EPB41L3: variants seen among roughly 807,000 people sequenced by gnomAD.
The protein encoded by EPB41L3 is erythrocyte membrane protein band 4.1 like 3.
Under a neutral mutation model 127.1 loss-of-function variants are expected in EPB41L3, and 57 were observed. The ratio of observed to expected loss-of-function variants is 0.45; its 90% confidence interval spans 0.36 to 0.56. The LOEUF (loss-of-function observed/expected upper bound fraction) is 0.56, where lower values mean the gene tolerates loss of function less well. Among genes scored for constraint, EPB41L3 ranks in the 20% least tolerant of loss-of-function variants. The pLI is 0.00. For synonymous variants in EPB41L3, 572 were observed against 549.5 expected (o/e 1.04, Z -0.57); for missense variants, 1,273 against 1,372.2 (o/e 0.93, Z 1.14).
chr18:5,409,103 G>C (rs1456125622), intron 14 of EPB41L3, among the ~76,000 whole-genome samples: 1 of 152,168 alleles, frequency 6.6e-6, no homozygotes, highest in Non-Finnish European at 1.5e-5. Context: ...CTATAGATGG[G>C]ACAGAGTTTC....
chr18:5,403,357 A>G (rs548817852), intron 16 of EPB41L3, among the ~76,000 whole-genome samples: 1 of 152,198 alleles, frequency 6.6e-6, no homozygotes, highest in Non-Finnish European at 1.5e-5. Flanking sequence ...TTTCCATTTT[A>G]TATAGGAAAC....
intron 11 of EPB41L3, 165 bp from the exon 12 acceptor site, chr18:5,420,042 C>T: frequency 1.4e-6 from 2 of 1,434,520 alleles, no homozygotes; most frequent in Middle Eastern, 2.2e-4. Context: ...CACAAAATAC[C>T]AGGTTTGCCT....
intron 2 of EPB41L3, among the ~76,000 whole-genome samples, chr18:5,613,459 GCCCTATTTCCCGTTATC>G (rs1214064328): frequency 1.3e-5 from 2 of 152,080 alleles, no homozygotes; most frequent in East Asian, 3.9e-4. Flanking sequence ...TAAATTCCTA[GCCCTATTTCCCGTTATC>G]CCCATCAGTC....
intron 2 of EPB41L3, among the ~76,000 whole-genome samples, chr18:5,482,459 G>A (rs1214674745): frequency 1.3e-5 from 2 of 152,144 alleles, no homozygotes; most frequent in Non-Finnish European, 2.9e-5. Context: ...AATAATCACA[G>A]GAAACTTTCC....
rs1338064574 is a variant in EPB41L3 at position 5,410,586 on chromosome 18, C to T, written c.2101G>A (p.Gly701Arg). ...DSERTDTAAD[G>R]ETTATESDQE... ...CCAACCTCAGTGGCAGTGGTCTCCCCGTCGGCTGCGGTGTCCGTGCGCTCA... is the reference window on the plus strand; with the variant it reads ...CCAACCTCAGTGGCAGTGGTCTCCCTGTCGGCTGCGGTGTCCGTGCGCTCA... Residue 701 changes from glycine (G) to arginine (R), a missense_variant, in exon 14 of 23, where the codon GGG (glycine) becomes AGG (arginine). Gly to Arg is a moderately radical substitution (Grantham distance 125, BLOSUM62 -2). Transcript: ENST00000341928. 5.0e-6 allele frequency: 8 copies of T among 1,613,552 alleles called. No homozygotes were observed. The highest frequency in any genetic ancestry group is 1.3e-5 in the African/African-American group (1 of 74,914).
intron 5 of EPB41L3, among the ~76,000 whole-genome samples, chr18:5,438,334 T>C (rs560898058): frequency 6.6e-5 from 10 of 152,146 alleles, no homozygotes; most frequent in African/African-American, 1.4e-4. Context: ...TTTTAACTAG[T>C]ATGGAAACTG....
chr18:5,514,827 G>A (rs551914091), intron 1 of EPB41L3, among the ~76,000 whole-genome samples: 2 of 152,290 alleles, frequency 1.3e-5, no homozygotes, highest in East Asian at 3.9e-4. Context: ...CATTAGTGCT[G>A]ACAGGGTACA....
At chr18:5,503,385 A>G (rs1457034276) in intron 1 of EPB41L3, among the ~76,000 whole-genome samples, 1 of 152,206 alleles carries the variant, frequency 6.6e-6, no homozygotes, top group Non-Finnish European at 1.5e-5. Flanking sequence ...GAGTGCCCGA[A>G]AAAAACATGT....
At position 5,489,236 on chromosome 18, in the gene EPB41L3, C is replaced by CT. The variant is rs753484772; in HGVS notation, c.-11-43dup. 2.6e-6 allele frequency: 4 copies of CT among 1,554,150 alleles called. No individual in the cohort carries two copies. The Admixed American group carries it at 9.0e-5, about 35-fold the overall frequency. The stretch of plus-strand genomic sequence containing the variant: ...GGGAAGAGCAGGTCACTCCGTGCCA[C>CT]TACCTTCCCTCTGCAAGAAAACTAG... On this transcript the variant is annotated intron_variant, in intron 1 of 22. Transcript: ENST00000341928.
At position 5,445,556 on chromosome 18, in the gene EPB41L3, A is replaced by G. The variant is rs2081353516; in HGVS notation, c.382-312T>C. ...GGAAGCAACTGGGGAAAATAATGTG[A>G]TGCTTGGAAGCCTAAATATGTGAAA... is the stretch of plus-strand genomic sequence containing the variant. On this transcript the variant is annotated intron_variant, in intron 3 of 22. Coordinates refer to ENST00000341928, the MANE Select transcript of EPB41L3 (RefSeq NM_012307.5). Among the ~76,000 whole-genome samples the G allele has an allele frequency of 1.3e-5, 2 of 152,240 alleles. 1 individual carries two copies. Among genetic ancestry groups the G allele is most frequent in the South Asian group, 4.1e-4 (2 of 4,826 alleles).
intron 16 of EPB41L3, 176 bp from the exon 17 acceptor site, chr18:5,398,319 G>T: frequency 1.4e-6 from 1 of 726,768 alleles, no homozygotes; most frequent in Non-Finnish European, 2.3e-6. Flanking sequence ...AAAACCAGGT[G>T]CTCTTGTTTG....
chr18:5,602,876 A>G (rs1477312743), intron 3 of EPB41L3, among the ~76,000 whole-genome samples: 2 of 152,192 alleles, frequency 1.3e-5, no homozygotes, highest in African/African-American at 4.8e-5. Flanking sequence ...TACAGACTAA[A>G]ATAGATTTTA....
rs73937119 is a variant in EPB41L3, at chr18:5,392,450, C to G, written c.*1035G>C. ...CATACATTCACCATGGGCTGTGATG[C>G]AGGTGATCGTGTAATGGAGAATCTC... On this transcript the variant is annotated 3_prime_UTR_variant, in exon 23 of 23. Coordinates refer to ENST00000341928, the MANE Select transcript of EPB41L3 (RefSeq NM_012307.5). 6.6e-6 allele frequency: 1 copy of G among 152,548 alleles called. No homozygotes were observed. Among genetic ancestry groups the G allele is most frequent in the African/African-American group, 2.4e-5 (1 of 41,414 alleles). The allele number at this position is 152,548 out of a possible 1,614,324, so 9.4% of individuals were successfully genotyped here.
At chr18:5,440,883 T>G (rs952899574) in intron 5 of EPB41L3, among the ~76,000 whole-genome samples, 1 of 152,128 alleles carries the variant, frequency 6.6e-6, no homozygotes, top group Non-Finnish European at 1.5e-5. Context: ...AGTTTCAAAA[T>G]TTTGTTTTTT....
At chr18:5,431,093 T>C (rs2078949359) in intron 8 of EPB41L3, 1 of 152,156 alleles carries the variant, frequency 6.6e-6, no homozygotes, top group Admixed American at 6.5e-5. Flanking sequence ...CATTTCAGAA[T>C]CTTACATAAA....
intron 3 of EPB41L3, among the ~76,000 whole-genome samples, chr18:5,461,649 T>C (rs1486399684): frequency 6.6e-6 from 1 of 152,190 alleles, no homozygotes; most frequent in Non-Finnish European, 1.5e-5. Context: ...AAACAGTCAC[T>C]AGGCAATGCT....
chr18:5,496,874 G>C (rs953677953), intron 1 of EPB41L3, among the ~76,000 whole-genome samples: 1 of 152,186 alleles, frequency 6.6e-6, no homozygotes, highest in Non-Finnish European at 1.5e-5. Context: ...AGATGAACAA[G>C]GTCTCTGCTG....
At chr18:5,579,337 G>A (rs934465889) in intron 3 of EPB41L3, among the ~76,000 whole-genome samples, 8 of 152,200 alleles carry the variant, frequency 5.3e-5, no homozygotes, top group African/African-American at 1.2e-4. Flanking sequence ...GAAGGTTATC[G>A]TCGAAATCCT....
intron 3 of EPB41L3, among the ~76,000 whole-genome samples, chr18:5,605,841 G>T (rs1360285330): frequency 6.6e-6 from 1 of 152,176 alleles, no homozygotes; most frequent in Non-Finnish European, 1.5e-5. Flanking sequence ...TACCAGGAGG[G>T]GTTCGGAGGC....
Sources: gnomAD v4.1 joint callset for allele counts (sites outside exome capture counted in the v4.1 genomes callset) on GRCh38, gnomAD v4.1.1 for gene constraint, MANE v1.5 for transcripts, NCBI Gene and HGNC (gene_info 2026-07-23, HGNC 2026-07-21) for gene names.